Variants in VPS8 observed in about 807,000 individuals in gnomAD.
VPS8 encodes VPS8 subunit of CORVET complex.
In VPS8, 129 loss-of-function variants were observed where a neutral mutation model predicts 216.4. The observed-to-expected ratio is 0.60, with a 90% CI of 0.52 to 0.69. The LOEUF (loss-of-function observed/expected upper bound fraction) is 0.69, where lower values mean the gene tolerates loss of function less well. Ranked by LOEUF, VPS8 falls within the 30% of genes least tolerant of loss-of-function variation. The probability of loss-of-function intolerance (pLI) is 0.00; values close to 1 mark genes in which losing one functional copy is unlikely to be tolerated. For missense variants in VPS8, 1,531 were observed against 1,683.5 expected (o/e 0.91, Z 1.59); for synonymous variants, 571 against 565.4 (o/e 1.01, Z -0.14).
chr3:184,848,981 C>T, intron 8 of VPS8, 90 bp from the exon 9 acceptor site: 1 of 1,392,052 alleles, frequency 7.2e-7, no homozygotes, highest in Non-Finnish European at 9.9e-7. Flanking sequence ...TGATTCTTGT[C>T]ACCTCCCAAG....
At chr3:184,902,829 C>CAAA (rs200582217) in intron 25 of VPS8, among the ~76,000 whole-genome samples, 1 of 107,802 alleles carries the variant, frequency 9.3e-6, no homozygotes, top group Non-Finnish European at 2.0e-5. Context: ...GATGCTGTCT[C>CAAA]AAAAAAAAAA....
intron 45 of VPS8, among the ~76,000 whole-genome samples, chr3:185,012,257 T>G (rs1454450528): frequency 6.8e-6 from 1 of 148,036 alleles, no homozygotes; most frequent in Non-Finnish European, 1.5e-5. Context: ...TATTTATAAA[T>G]TATAGATATA....
At chr3:184,817,190 C>T (rs999113006) in intron 1 of VPS8, 2 of 144,424 alleles carry the variant, frequency 1.4e-5, no homozygotes, top group Non-Finnish European at 3.0e-5. Flanking sequence ...CTTTGTATTA[C>T]GTGACCAGAA....
intron 14 of VPS8, among the ~76,000 whole-genome samples, chr3:184,858,345 A>G (rs1725666643): frequency 6.6e-6 from 1 of 152,236 alleles, no homozygotes; most frequent in Non-Finnish European, 1.5e-5. Flanking sequence ...ATTAAAAAAT[A>G]AAAATAAATT....
intron 1 of VPS8, among the ~76,000 whole-genome samples, chr3:184,813,484 G>C (rs1487913162): frequency 6.6e-6 from 1 of 152,140 alleles, no homozygotes; most frequent in Non-Finnish European, 1.5e-5. Flanking sequence ...TGTAAGACGT[G>C]GGTTTGCTCA....
At chr3:185,038,801 C>T (rs994419181) in intron 46 of VPS8, among the ~76,000 whole-genome samples, 2 of 152,194 alleles carry the variant, frequency 1.3e-5, no homozygotes, top group African/African-American at 4.8e-5. Context: ...GGAGGGGCAG[C>T]AGCCTCAGGT....
At chr3:184,973,182 G>A (rs1042083867) in intron 40 of VPS8, among the ~76,000 whole-genome samples, 1 of 152,082 alleles carries the variant, frequency 6.6e-6, no homozygotes, top group Non-Finnish European at 1.5e-5. Context: ...ATGAAATATA[G>A]AAAGTTATGC....
chr3:184,919,082 A>G (rs548235732), intron 28 of VPS8: 2 of 152,346 alleles, frequency 1.3e-5, no homozygotes, highest in South Asian at 4.1e-4. Flanking sequence ...AAGGAAGGGA[A>G]GGACATACTA....
At chr3:184,863,135 G>A in intron 16 of VPS8, 68 bp downstream of exon 16, 1 of 1,563,466 alleles carries the variant, frequency 6.4e-7, no homozygotes, top group Non-Finnish European at 8.7e-7. Context: ...TGTTATAGTT[G>A]TTTTAGAAAT....
chr3:184,940,989 C>A (rs1416857931), intron 36 of VPS8, among the ~76,000 whole-genome samples: 1 of 152,190 alleles, frequency 6.6e-6, no homozygotes. Context: ...CACAGAATCA[C>A]TGGGAGTTGG....
intron 46 of VPS8, among the ~76,000 whole-genome samples, chr3:185,032,949 G>A (rs969191677): frequency 2.6e-5 from 4 of 152,186 alleles, no homozygotes; most frequent in African/African-American, 7.2e-5. Context: ...TTACAGGCGT[G>A]AGCCACCCCG....
chr3:184,839,985 T>C (rs1240396658), intron 7 of VPS8: 1 of 1,085,178 alleles, frequency 9.2e-7, no homozygotes, highest in Admixed American at 4.0e-5. Flanking sequence ...ATCATATCTA[T>C]TGATCTCTCT....
intron 45 of VPS8, among the ~76,000 whole-genome samples, chr3:185,003,223 G>C (rs1282832134): frequency 7.3e-6 from 1 of 136,172 alleles, no homozygotes; most frequent in Non-Finnish European, 1.5e-5. Context: ...CAGGGTCATA[G>C]GACAATAGTG....
At chr3:184,969,901 C>CTTTTTTT (rs755680287) in intron 39 of VPS8, among the ~76,000 whole-genome samples, 1 of 110,220 alleles carries the variant, frequency 9.1e-6, no homozygotes, top group Admixed American at 9.6e-5. Flanking sequence ...TACTTTCTTA[C>CTTTTTTT]TTTTTTTTTT....
chr3:184,845,935 A>T (rs1179156718), intron 8 of VPS8, among the ~76,000 whole-genome samples: 9 of 152,156 alleles, frequency 5.9e-5, no homozygotes, highest in Non-Finnish European at 1.5e-5. Flanking sequence ...AGCACTTAGT[A>T]ATATTCAAGG....
chr3:184,830,414 T>A (rs1049740093), intron 3 of VPS8, among the ~76,000 whole-genome samples: 8 of 152,128 alleles, frequency 5.3e-5, no homozygotes, highest in South Asian at 2.1e-4. Context: ...TTATTTATTT[T>A]TTTGCATTTT....
chr3:184,980,121 C>T (rs780673238), intron 40 of VPS8, among the ~76,000 whole-genome samples: 2 of 152,168 alleles, frequency 1.3e-5, no homozygotes, highest in African/African-American at 4.8e-5. Context: ...TATAAGCCCC[C>T]AATCCCTTCT....
intron 8 of VPS8, among the ~76,000 whole-genome samples, chr3:184,846,623 C>A (rs910212505): frequency 1.3e-5 from 2 of 152,252 alleles, no homozygotes; most frequent in East Asian, 3.8e-4. Flanking sequence ...GCAGGGACTA[C>A]AAAGGATCTT....
intron 39 of VPS8, 124 bp downstream of exon 39, chr3:184,966,837 C>T (rs982909103): frequency 1.7e-5 from 10 of 580,158 alleles, no homozygotes; most frequent in African/African-American, 1.5e-4. Context: ...ACTGTTTATT[C>T]ATTTTAACAT....
Sources: allele counts gnomAD v4.1 joint callset (sites outside exome capture counted in the v4.1 genomes callset), GRCh38; gene constraint gnomAD v4.1.1; transcripts MANE v1.5; gene names NCBI Gene and HGNC (gene_info 2026-07-23, HGNC 2026-07-21).